Variants in BICRA observed in about 807,000 individuals in gnomAD.
BICRA encodes BRD4 interacting chromatin remodeling complex associated protein, also known as BRD4-interacting chromatin-remodeling complex-associated protein.
A neutral mutation model predicts 96.9 loss-of-function variants in BICRA; 31 were observed. The observed-to-expected ratio is 0.32, with a 90% CI of 0.24 to 0.43. The LOEUF (loss-of-function observed/expected upper bound fraction) is 0.43. Ranked by LOEUF, BICRA falls within the 20% of genes least tolerant of loss-of-function variation. The pLI, the probability that BICRA is intolerant of heterozygous loss-of-function variation, is 1.00. For missense variants in BICRA, 2,283 were observed against 2,190.3 expected (o/e 1.04, Z -0.84); for synonymous variants, 1,350 against 1,071.8 (o/e 1.26, Z -5.07).
rs564893375 is a variant in BICRA at position 47,680,100 on chromosome 19, G to C, written c.930G>C (p.Ala310=). ...TLNGNSVFGG[A]GAASAPTGTP... is the part of the protein sequence containing the mutation. ...ATGGGAACTCTGTGTTCGGAGGCGC[G>C]GGGGCCGCCTCGGCTCCCACCGGGA... Residue 310 remains alanine (A), a synonymous_variant, in exon 6 of 15, where the codon GCG becomes GCC. Coordinates refer to ENST00000594866, the MANE Select transcript of BICRA (RefSeq NM_001394372.1). The C allele has an allele frequency of 8.0e-5, 124 of 1,545,150 alleles. 2 individuals carry two copies. The African/African-American group carries it at 9.9e-4, about 12-fold the overall frequency.
In BICRA at chr19:47,619,253, T is replaced by A. The variant is rs1972029368; in HGVS notation, c.-108+10085T>A. Among the ~76,000 whole-genome samples, 3 of 150,534 alleles carry A rather than the reference T, an allele frequency of 2.0e-5. No individual in the cohort carries two copies. In the South Asian group the frequency reaches 6.3e-4, roughly 32 times the overall value. ...AACCCCTTTTTTTTTTCCTTTTTTT[T>A]GTGTGTGTGTGTTTGAGATGGGGTC... On this transcript the variant is annotated intron_variant, in intron 1 of 14. Transcript: ENST00000594866.
At position 47,680,420 on chromosome 19, in the gene BICRA, C is replaced by G; in HGVS notation, c.1250C>G (p.Pro417Arg). The G allele has an allele frequency of 6.5e-7, 1 of 1,536,538 alleles. No individual in the cohort carries two copies. The highest frequency in any genetic ancestry group is 8.7e-7 in the Non-Finnish European group (1 of 1,145,936). Residue 417 changes from proline (P) to arginine (R), a missense_variant, in exon 6 of 15, where the codon CCT becomes CGT. Pro to Arg is a moderately radical substitution (Grantham distance 103). Transcript: ENST00000594866. ...QNVVLSGFPA[P>R]ALQANVFKQP... ...GTGGTGCTGTCGGGCTTCCCCGCGC[C>G]TGCGCTGCAAGCGAACGTCTTCAAG...
chr19:47,673,171 C>T (rs1156980573), intron 2 of BICRA, among the ~76,000 whole-genome samples: 1 of 152,142 alleles, frequency 6.6e-6, no homozygotes, highest in Non-Finnish European at 1.5e-5. Context: ...AGGCCTGGCT[C>T]TGCTGCCTGC....
intron 1 of BICRA, chr19:47,661,981 T>TG (rs1568561775): frequency 6.6e-6 from 1 of 152,110 alleles, no homozygotes; most frequent in Non-Finnish European, 1.5e-5. Context: ...TAACCAGGTG[T>TG]GGTGGCGTGC....
chr19:47,614,558 G>A (rs562777824), intron 1 of BICRA, among the ~76,000 whole-genome samples: 82 of 152,306 alleles, frequency 5.4e-4, no homozygotes, highest in Non-Finnish European at 7.3e-4. Context: ...CGGAGGTTGC[G>A]GTGAGCCGAG....
At chr19:47,689,349 C>T (rs569149470) in intron 7 of BICRA, among the ~76,000 whole-genome samples, 25 of 152,146 alleles carry the variant, frequency 1.6e-4, no homozygotes, top group African/African-American at 6.0e-4. Context: ...AGCAGTCCTC[C>T]TGCCTTGGCC....
intron 1 of BICRA, among the ~76,000 whole-genome samples, chr19:47,631,372 C>T (rs1432357295): frequency 6.6e-6 from 1 of 152,064 alleles, no homozygotes; most frequent in South Asian, 2.1e-4. Context: ...GGATTACAGG[C>T]GCACGCCACC....
At chr19:47,634,549 C>T (rs1466478102) in intron 1 of BICRA, among the ~76,000 whole-genome samples, 2 of 152,136 alleles carry the variant, frequency 1.3e-5, no homozygotes, top group Non-Finnish European at 2.9e-5. Context: ...TGTCGAGAGA[C>T]ACCTCAGACT....
chr19:47,650,225 C>G (rs1972521470), intron 1 of BICRA, among the ~76,000 whole-genome samples: 1 of 152,034 alleles, frequency 6.6e-6, no homozygotes, highest in South Asian at 2.1e-4. Context: ...CTCCACCACC[C>G]AGGGTCAAGT....
In BICRA at chr19:47,675,104, G is replaced by A. The variant is rs573748658; in HGVS notation, c.85-747G>A. Among the ~76,000 whole-genome samples the A allele has an allele frequency of 6.6e-6, 1 of 152,172 alleles. No individual in the cohort carries two copies. The highest frequency in any genetic ancestry group is 1.5e-5 in the Non-Finnish European group (1 of 68,032). The stretch of plus-strand genomic sequence containing the variant: ...ATCAACTAGACTTGCTGGTGGACTC[G>A]ATGTTGAGGGGGAGAGAGTGTCCAC... On this transcript the variant is annotated intron_variant, in intron 4 of 14. Coordinates refer to ENST00000594866, the MANE Select transcript of BICRA (RefSeq NM_001394372.1). This position sits in a 1 kb window ranked among gnomAD's most constrained non-coding sequence, Gnocchi z 4.7.
intron 1 of BICRA, among the ~76,000 whole-genome samples, chr19:47,624,456 A>G (rs1308156449): frequency 2.6e-5 from 4 of 152,180 alleles, no homozygotes; most frequent in African/African-American, 4.8e-5. Flanking sequence ...CGATACTGCA[A>G]TCTGTTAAGT....
At chr19:47,633,380 G>A (rs4488571) in intron 1 of BICRA, among the ~76,000 whole-genome samples, 2 of 151,766 alleles carry the variant, frequency 1.3e-5, no homozygotes, top group South Asian at 2.1e-4. Flanking sequence ...ATGCCCCGGC[G>A]TATTTTTCCA....
intron 1 of BICRA, among the ~76,000 whole-genome samples, chr19:47,632,670 T>C (rs913290866): frequency 6.6e-6 from 1 of 152,134 alleles, no homozygotes; most frequent in Non-Finnish European, 1.5e-5. Context: ...ATGGGACTTG[T>C]TTGGGAGGAT....
At chr19:47,623,078 A>G (rs1225341661) in intron 1 of BICRA, among the ~76,000 whole-genome samples, 1 of 151,906 alleles carries the variant, frequency 6.6e-6, no homozygotes, top group Non-Finnish European at 1.5e-5. Context: ...CATATATTAG[A>G]CATTACATAA....
intron 1 of BICRA, among the ~76,000 whole-genome samples, chr19:47,668,598 G>A (rs114265723): frequency 0.014 from 2,135 of 149,478 alleles, 49 homozygotes; most frequent in African/African-American, 0.05. Context: ...AGTGATTTTC[G>A]TGCCTCAGTC....
intron 1 of BICRA, among the ~76,000 whole-genome samples, chr19:47,617,651 A>G (rs1972005654): frequency 6.6e-6 from 1 of 152,124 alleles, no homozygotes; most frequent in South Asian, 2.1e-4. Context: ...AGCATGAGCT[A>G]TGCACCTGGC....
At chr19:47,694,876 C>T in intron 8 of BICRA, 24 bp from the exon 9 acceptor site, 3 of 1,492,578 alleles carry the variant, frequency 2.0e-6, no homozygotes, top group Non-Finnish European at 2.7e-6. Flanking sequence ...TTCCCCACCC[C>T]TCATCCACCT....
At chr19:47,689,530 G>A (rs1376827838) in intron 7 of BICRA, among the ~76,000 whole-genome samples, 1 of 152,138 alleles carries the variant, frequency 6.6e-6, no homozygotes, top group East Asian at 1.9e-4. Flanking sequence ...CCCTGCCTCA[G>A]CCTCCGGAGT....
At chr19:47,619,723 C>T (rs1335976297) in intron 1 of BICRA, among the ~76,000 whole-genome samples, 2 of 152,168 alleles carry the variant, frequency 1.3e-5, no homozygotes, top group African/African-American at 4.8e-5. Flanking sequence ...CATAATAAGA[C>T]CCTATCTCTC....
Sources: allele counts gnomAD v4.1 joint callset (sites outside exome capture counted in the v4.1 genomes callset), GRCh38; gene constraint gnomAD v4.1.1; non-coding constraint Gnocchi (gnomAD v3.1); transcripts MANE v1.5; gene names NCBI Gene and HGNC (gene_info 2026-07-23, HGNC 2026-07-21).